Variants in STXBP5 observed in about 807,000 individuals in gnomAD.
The protein encoded by STXBP5 is syntaxin-binding protein 5.
Under a neutral mutation model 152.4 loss-of-function variants are expected in STXBP5, and 50 were observed. That is an observed-to-expected ratio of 0.33 (90% CI 0.26 to 0.42). The LOEUF is 0.42. STXBP5 is among the 10% of genes least tolerant of loss of function. STXBP5 has a pLI of 1.00. For synonymous variants in STXBP5, 492 were observed against 494.7 expected (o/e 0.99, Z 0.07); for missense variants, 1,167 against 1,388.6 (o/e 0.84, Z 2.54).
intron 4 of STXBP5, 55 bp downstream of exon 4, chr6:147,239,325 GA>G: frequency 6.7e-7 from 1 of 1,499,862 alleles, no homozygotes; most frequent in Non-Finnish European, 9.2e-7. Context: ...ATATTTTCTT[GA>G]ATTTCAGTCT....
intron 9 of STXBP5, among the ~76,000 whole-genome samples, chr6:147,304,041 G>A (rs1781963258): frequency 6.6e-6 from 1 of 152,188 alleles, no homozygotes; most frequent in South Asian, 2.1e-4. Context: ...CCCATTTTCT[G>A]GGAAGAAATT....
At chr6:147,223,845 G>A (rs546603373) in intron 2 of STXBP5, among the ~76,000 whole-genome samples, 4 of 152,294 alleles carry the variant, frequency 2.6e-5, no homozygotes, top group African/African-American at 9.6e-5. Flanking sequence ...GCAGATGGTA[G>A]AAAAGAAACA....
At chr6:147,262,890 A>G (rs1779709599) in intron 6 of STXBP5, among the ~76,000 whole-genome samples, 3 of 151,996 alleles carry the variant, frequency 2.0e-5, no homozygotes, top group Admixed American at 1.3e-4. Context: ...AGATTATTTA[A>G]ATCTTTTAAA....
At chr6:147,302,867 T>A (rs1781894369) in intron 9 of STXBP5, among the ~76,000 whole-genome samples, 1 of 152,210 alleles carries the variant, frequency 6.6e-6, no homozygotes, top group Non-Finnish European at 1.5e-5. Flanking sequence ...ATGTCTTTAT[T>A]GATTTTTATA....
At chr6:147,239,362 T>TA in intron 4 of STXBP5, 92 bp downstream of exon 4, 1 of 1,051,192 alleles carries the variant, frequency 9.5e-7, no homozygotes. Context: ...TGATGGACCT[T>TA]ATGCACAATC....
chr6:147,362,296 T>C (rs1785104334), intron 23 of STXBP5, among the ~76,000 whole-genome samples: 2 of 152,098 alleles, frequency 1.3e-5, no homozygotes, highest in African/African-American at 4.8e-5. Flanking sequence ...GTGGAAAAAA[T>C]ACTGCAAGCT....
chr6:147,276,616 T>A (rs1023905541), intron 7 of STXBP5, among the ~76,000 whole-genome samples: 5 of 152,154 alleles, frequency 3.3e-5, no homozygotes, highest in South Asian at 2.1e-4. Context: ...ATGAATTTTT[T>A]AAAAAACATT....
At chr6:147,205,371 C>CATATAT (rs66619063) in intron 1 of STXBP5, among the ~76,000 whole-genome samples, 2,010 of 141,844 alleles carry the variant, frequency 0.014, 36 homozygotes, top group African/African-American at 0.044. Flanking sequence ...TAAAAGTGTG[C>CATATAT]ATATATATAT....
In STXBP5 at chr6:147,258,383, G is replaced by C. The variant is rs115863391; in HGVS notation, c.432-2232G>C. On this transcript the variant is annotated intron_variant, in intron 4 of 27. Transcript: ENST00000321680. ...AATAACGATACCTTCTGTCTTGTCT[G>C]TCTCTCTCTGTGTACAAACATGCAC... Among the ~76,000 whole-genome samples, 1,077 of 152,248 alleles carry C rather than the reference G, an allele frequency of 7.1e-3. 12 individuals carry two copies. The highest frequency in any genetic ancestry group is 0.025 in the African/African-American group (1,036 of 41,558).
rs1275803875 is a variant in STXBP5, at chr6:147,270,264, T to G, written c.714+3097T>G. On this transcript the variant is annotated intron_variant, in intron 7 of 27. Coordinates refer to ENST00000321680, the MANE Select transcript of STXBP5 (RefSeq NM_001127715.4). ...AATACAAAAAATTAGCTGGGCGTGG[T>G]GGCAGGCGCCTGTAGTCCCAGCTAC... Among the ~76,000 whole-genome samples, 3 of 151,796 alleles carry G rather than the reference T, an allele frequency of 2.0e-5. No homozygotes were observed. The South Asian group carries it at 6.2e-4, about 32-fold the overall frequency.
intron 4 of STXBP5, among the ~76,000 whole-genome samples, chr6:147,248,454 T>C (rs1159857925): frequency 2.6e-5 from 4 of 152,178 alleles, no homozygotes; most frequent in Non-Finnish European, 1.5e-5. Flanking sequence ...AATTGAGTTT[T>C]TTTTTAAAGA....
At chr6:147,244,168 A>T (rs1198846610) in intron 4 of STXBP5, among the ~76,000 whole-genome samples, 4 of 152,346 alleles carry the variant, frequency 2.6e-5, no homozygotes, top group Admixed American at 2.0e-4. Flanking sequence ...TGTGCATAGG[A>T]TGTGCATAGG....
Position 147,209,263 on chromosome 6 carries a change from C to T in STXBP5, c.248+3195C>T, listed in dbSNP as rs1428662423. Among the ~76,000 whole-genome samples, 7 of 152,108 alleles carry T rather than the reference C, an allele frequency of 4.6e-5. 1 individual carries two copies. The South Asian group carries it at 6.2e-4, about 13-fold the overall frequency. On this transcript the variant is annotated intron_variant, in intron 2 of 27. Coordinates refer to ENST00000321680, the MANE Select transcript of STXBP5 (RefSeq NM_001127715.4). ...TTGTCAAATTATTATCGAAGAACCTCATTCATTGTCTTCTTGACTGGTGGA... is the reference window on the plus strand; with the variant it reads ...TTGTCAAATTATTATCGAAGAACCTTATTCATTGTCTTCTTGACTGGTGGA...
At position 147,385,110 on chromosome 6, in the gene STXBP5, T is replaced by A; in HGVS notation, c.*355T>A. The A allele has an allele frequency of 4.2e-6, 1 of 238,280 alleles. No individual in the cohort carries two copies. The highest frequency in any genetic ancestry group is 7.2e-5 in the South Asian group (1 of 13,874). The allele number at this position is 238,280 out of a possible 1,614,324, so 14.8% of individuals were successfully genotyped here. A position where few individuals can be genotyped will look rare whatever the true frequency, so the allele number is the denominator to read the frequency against. ...TATGCCAAAAGGGTTTGTGCCGTTT[T>A]ATCTGCCATCAGTGTTTGACCTGTT... On this transcript the variant is annotated 3_prime_UTR_variant, in exon 28 of 28. Coordinates refer to ENST00000321680, the MANE Select transcript of STXBP5 (RefSeq NM_001127715.4).
In STXBP5 at chr6:147,327,143, C is replaced by G. The variant is rs762510137; in HGVS notation, c.1947C>G (p.Cys649Trp). The part of the protein sequence containing the change: ...SSYGLVVFGN[C>W]NGIAMVDYLQ... ...TTCCCAGGGTGGTTTTTGGCAATTG[C>G]AATGGCATTGCTATGGTTGACTACC... Residue 649 changes from cysteine to tryptophan, a missense_variant, in exon 18 of 28, where the codon TGC becomes TGG. Physicochemically the swap from Cys to Trp is radical, Grantham distance 215. Transcript: ENST00000321680. The G allele has an allele frequency of 1.6e-5, 25 of 1,607,116 alleles. No homozygotes were observed. Among genetic ancestry groups the G allele is most frequent in the Non-Finnish European group, 1.7e-6 (2 of 1,178,172 alleles).
intron 13 of STXBP5, 38 bp from the exon 14 acceptor site, chr6:147,314,558 A>G (rs760348045): frequency 6.3e-7 from 1 of 1,596,382 alleles, no homozygotes. Context: ...GAAGAACTGT[A>G]ATTTTATTCA....
chr6:147,232,263 A>T (rs942764477), intron 2 of STXBP5, among the ~76,000 whole-genome samples: 1 of 151,804 alleles, frequency 6.6e-6, no homozygotes, highest in Non-Finnish European at 1.5e-5. Context: ...AATAAGTAAT[A>T]AATAAATGAA....
At chr6:147,260,805 C>A in intron 5 of STXBP5, 56 bp downstream of exon 5, 1 of 1,557,460 alleles carries the variant, frequency 6.4e-7, no homozygotes, top group Non-Finnish European at 8.7e-7. Context: ...TATAATAATA[C>A]CGTTACATCA....
At chr6:147,314,704 A>G in intron 14 of STXBP5, 68 bp downstream of exon 14, 1 of 1,172,528 alleles carries the variant, frequency 8.5e-7, no homozygotes, top group Non-Finnish European at 1.2e-6. Flanking sequence ...ATCCTGTTTT[A>G]TAATAATTGC....
Sources: allele counts gnomAD v4.1 joint callset (sites outside exome capture counted in the v4.1 genomes callset), GRCh38; gene constraint gnomAD v4.1.1; transcripts MANE v1.5; gene names NCBI Gene and HGNC (gene_info 2026-07-23, HGNC 2026-07-21).